The following PUM3 variants were observed in gnomAD, a reference collection of about 807,000 sequenced individuals.
The protein encoded by PUM3 is pumilio RNA binding family member 3, also known as pumilio homolog 3.
A neutral mutation model predicts 84.0 loss-of-function variants in PUM3; 91 were observed. The observed-to-expected ratio is 1.08, with a 90% CI of 0.91 to 1.29. PUM3 has a LOEUF of 1.29. Among genes scored for constraint, PUM3 ranks in the 50% most tolerant of loss-of-function variants. The probability of loss-of-function intolerance (pLI) is 0.00; values close to 1 mark genes in which losing one functional copy is unlikely to be tolerated. For synonymous variants in PUM3, 321 were observed against 266.7 expected (o/e 1.20, Z -1.98); for missense variants, 1,067 against 767.5 (o/e 1.39, Z -4.61).
At chr9:2,843,490 G>A (rs1017252084) in intron 1 of PUM3, among the ~76,000 whole-genome samples, 37 of 152,140 alleles carry the variant, frequency 2.4e-4, no homozygotes, top group Admixed American at 1.6e-3. Flanking sequence ...CCGAGCACGG[G>A]CTGGGATTCC....
chr9:2,830,049 G>C, intron 7 of PUM3, 101 bp from the exon 8 acceptor site: 1 of 1,004,378 alleles, frequency 1.0e-6, no homozygotes, highest in Admixed American at 2.0e-5. Context: ...ATCAATCTGT[G>C]TCACTCTGAG....
chr9:2,804,834 G>A (rs543761283), intron 17 of PUM3, among the ~76,000 whole-genome samples: 23 of 152,228 alleles, frequency 1.5e-4, no homozygotes, highest in South Asian at 1.0e-3. Context: ...AGCAGGGACC[G>A]TATTTTATTT....
intron 13 of PUM3, among the ~76,000 whole-genome samples, chr9:2,815,375 G>C (rs1024531891): frequency 2.0e-5 from 3 of 152,110 alleles, no homozygotes; most frequent in African/African-American, 7.2e-5. Flanking sequence ...GGGTTACAGA[G>C]AAAATGGGGA....
rs372394352 is a variant in PUM3, at chr9:2,837,419, T to C, written c.83-18A>G. 2.5e-5 allele frequency: 38 copies of C among 1,516,236 alleles called. No individual in the cohort carries two copies. The highest frequency in any genetic ancestry group is 3.3e-5 in the Non-Finnish European group (36 of 1,097,562). 93.9% of individuals were successfully genotyped at this position (1,516,236 alleles called of 1,614,324 possible). On this transcript the variant is annotated intron_variant, in intron 2 of 17. Coordinates refer to ENST00000397885, the MANE Select transcript of PUM3 (RefSeq NM_014878.5). Reference sequence around the variant, plus strand: ...ACCAGAATCTAGTGACAATAATAATTATAAGTTCAATGATTCTGGGCCCAA... The same window carrying C: ...ACCAGAATCTAGTGACAATAATAATCATAAGTTCAATGATTCTGGGCCCAA...
chr9:2,822,541 G>A (rs557390006), intron 12 of PUM3, among the ~76,000 whole-genome samples: 1 of 151,620 alleles, frequency 6.6e-6, no homozygotes, highest in African/African-American at 2.4e-5. Flanking sequence ...TAAACAAACT[G>A]TAGAACTAAA....
At chr9:2,843,625 C>A (rs1036501674) in intron 1 of PUM3, among the ~76,000 whole-genome samples, 1 of 135,550 alleles carries the variant, frequency 7.4e-6, no homozygotes, top group African/African-American at 2.9e-5. Flanking sequence ...GTCTCCCAGG[C>A]TGGAGTGTAG....
chr9:2,838,431 T>C lies in PUM3; in HGVS notation c.77A>G (p.Asn26Ser). Residue 26 changes from asparagine (N) to serine (S), a missense_variant, in exon 2 of 18, where the codon AAT (asparagine) becomes AGT (serine). By Grantham distance (46) the Asn-to-Ser change is conservative. Coordinates refer to ENST00000397885, the MANE Select transcript of PUM3 (RefSeq NM_014878.5). ...ACATGGGAAGCATATCTTACCACTA[T>C]TTTTATGAAATCTGTTTTTTTCTTG... ...TAQEKNRFHK[N>S]SDSGSSKTFP... is the part of the protein sequence containing the mutation. 1.2e-6 allele frequency: 2 copies of C among 1,608,338 alleles called. No homozygotes were observed. Among genetic ancestry groups the C allele is most frequent in the Non-Finnish European group, 1.7e-6 (2 of 1,174,792 alleles).
At chr9:2,830,254 A>G (rs1205918010) in intron 7 of PUM3, among the ~76,000 whole-genome samples, 3 of 152,250 alleles carry the variant, frequency 2.0e-5, no homozygotes, top group Non-Finnish European at 2.9e-5. Flanking sequence ...TATTTTAACT[A>G]TATCCTAAAA....
intron 3 of PUM3, among the ~76,000 whole-genome samples, chr9:2,836,625 G>A (rs1316627055): frequency 6.6e-6 from 1 of 152,110 alleles, no homozygotes. Context: ...ATGGATCTGC[G>A]CCATCAGAGG....
At position 2,838,476 on chromosome 9, in the gene PUM3, C is replaced by G; in HGVS notation, c.32G>C (p.Gly11Ala). 1 of 1,613,578 alleles carries G rather than the reference C, an allele frequency of 6.2e-7. No individual in the cohort carries two copies. The highest frequency in any genetic ancestry group is 8.5e-7 in the Non-Finnish European group (1 of 1,179,642). ...TTCTTGTGCTGTCTTTGTACTCTTTCCTGTGAATTGCTTTTTCCCTTTAAC... is the reference window on the plus strand; with the variant it reads ...TTCTTGTGCTGTCTTTGTACTCTTTGCTGTGAATTGCTTTTTCCCTTTAAC... MEVKGKKQFT[G>A]KSTKTAQEKN... The change falls in exon 2 of 18, where the codon GGA becomes GCA. Residue 11 changes from glycine to alanine, a missense_variant. Transcript: ENST00000397885.
At chr9:2,805,732 G>A (rs1821243898) in intron 17 of PUM3, among the ~76,000 whole-genome samples, 1 of 151,862 alleles carries the variant, frequency 6.6e-6, no homozygotes, top group South Asian at 2.1e-4. Flanking sequence ...ATAATGCTAG[G>A]CATTTTATAT....
chr9:2,830,894 G>C (rs994842333), intron 7 of PUM3, 68 bp downstream of exon 7: 62 of 797,162 alleles, frequency 7.8e-5, no homozygotes, highest in Non-Finnish European at 1.2e-4. Flanking sequence ...TCTCGCATCT[G>C]AGCACAGTTG....
At chr9:2,824,518 A>G (rs946143562) in intron 11 of PUM3, among the ~76,000 whole-genome samples, 199 bp downstream of exon 11, 1 of 152,260 alleles carries the variant, frequency 6.6e-6, no homozygotes, top group African/African-American at 2.4e-5. Context: ...TTTCTACTAA[A>G]GCAGAGGAAA....
At chr9:2,818,752 A>G (rs1821524050) in intron 13 of PUM3, among the ~76,000 whole-genome samples, 1 of 152,246 alleles carries the variant, frequency 6.6e-6, no homozygotes, top group South Asian at 2.1e-4. Flanking sequence ...AAGTCATCAC[A>G]ATCTTAAAAC....
rs879103318 is a variant in PUM3 at position 2,833,412 on chromosome 9, T to C, written c.461A>G (p.Lys154Arg). The part of the protein sequence containing the change: ...ILRRKDCDKE[K>R]RVKLMSDLQK... ...CAAATCACTCATTAACTTTACTCTT[T>C]TTTCTTTGTCACAGTCTTTTCTACA... Residue 154 changes from lysine to arginine, a missense_variant, in exon 5 of 18, where the codon AAA becomes AGA. Coordinates refer to ENST00000397885, the MANE Select transcript of PUM3 (RefSeq NM_014878.5). 6.3e-7 allele frequency: 1 copy of C among 1,587,518 alleles called. No individual in the cohort carries two copies. The highest frequency in any genetic ancestry group is 1.7e-5 in the Admixed American group (1 of 59,138).
intron 5 of PUM3, among the ~76,000 whole-genome samples, chr9:2,833,025 A>G (rs1456830832): frequency 2.6e-5 from 4 of 152,364 alleles, no homozygotes; most frequent in Non-Finnish European, 4.4e-5. Context: ...GCAATTGAGA[A>G]CATACTAAAT....
chr9:2,828,821 AT>A (rs1815895270), intron 8 of PUM3, 43 bp from the exon 9 acceptor site: 3 of 1,074,042 alleles, frequency 2.8e-6, no homozygotes, highest in Non-Finnish European at 4.3e-6. Flanking sequence ...AATTTAATCA[AT>A]TTTTTCACTT....
intron 16 of PUM3, among the ~76,000 whole-genome samples, chr9:2,809,865 T>A (rs1821329837): frequency 6.6e-6 from 1 of 152,224 alleles, no homozygotes; most frequent in Admixed American, 6.5e-5. Context: ...TGTATTTCAA[T>A]GCCAAATAAA....
intron 17 of PUM3, 70 bp from the exon 18 acceptor site, chr9:2,804,533 G>A: frequency 7.0e-7 from 1 of 1,429,596 alleles, no homozygotes; most frequent in South Asian, 1.4e-5. Context: ...TGTACCAACA[G>A]TAAAAAAGAC....
Sources: allele counts gnomAD v4.1 joint callset (sites outside exome capture counted in the v4.1 genomes callset), GRCh38; gene constraint gnomAD v4.1.1; transcripts MANE v1.5; gene names NCBI Gene and HGNC (gene_info 2026-07-23, HGNC 2026-07-21).